The following ARMH4 variants were observed in gnomAD, a reference collection of about 807,000 sequenced individuals.
The protein encoded by ARMH4 is armadillo like helical domain containing 4.
ARMH4 carries 49 observed loss-of-function variants against 61.9 expected under a neutral mutation model. That is an observed-to-expected ratio of 0.79 (90% confidence interval 0.63 to 1.00). The LOEUF is 1.00. Ranked by LOEUF, ARMH4 falls within the 50% of genes least tolerant of loss-of-function variation. ARMH4 has a pLI of 0.00. For missense variants in ARMH4, 934 were observed against 930.0 expected (o/e 1.00, Z -0.06); for synonymous variants, 368 against 341.5 (o/e 1.08, Z -0.85).
intron 5 of ARMH4, among the ~76,000 whole-genome samples, chr14:58,075,981 C>T (rs1885032441): frequency 6.8e-6 from 1 of 146,382 alleles, no homozygotes; most frequent in Admixed American, 6.9e-5. Flanking sequence ...ATTAAAAACA[C>T]AAGAAGAAAT....
intron 5 of ARMH4, among the ~76,000 whole-genome samples, chr14:58,071,258 A>T (rs375793300): frequency 8.2e-4 from 124 of 152,012 alleles, no homozygotes; most frequent in African/African-American, 2.8e-3. Flanking sequence ...TCATCAGAAC[A>T]CATTTCTGCT....
chr14:58,076,397 T>C (rs1339127658), intron 5 of ARMH4, among the ~76,000 whole-genome samples: 1 of 152,214 alleles, frequency 6.6e-6, no homozygotes, highest in Non-Finnish European at 1.5e-5. Context: ...TTCTTCCCTA[T>C]GTAAGTGGCT....
chr14:58,078,257 T>C (rs1885110014), intron 5 of ARMH4, among the ~76,000 whole-genome samples: 1 of 152,228 alleles, frequency 6.6e-6, no homozygotes, highest in Non-Finnish European at 1.5e-5. Context: ...GCATGGGCCC[T>C]GCACTAGTTT....
intron 5 of ARMH4, among the ~76,000 whole-genome samples, chr14:58,046,395 A>G (rs560273720): frequency 6.6e-6 from 1 of 152,292 alleles, no homozygotes; most frequent in South Asian, 2.1e-4. Flanking sequence ...TTTAAATTGT[A>G]CTTTTCTTCC....
chr14:58,045,127 A>T (rs1883885853), intron 5 of ARMH4, among the ~76,000 whole-genome samples: 1 of 152,228 alleles, frequency 6.6e-6, no homozygotes, highest in Non-Finnish European at 1.5e-5. Flanking sequence ...TACCCAAAGG[A>T]TTATAAATCA....
intron 5 of ARMH4, among the ~76,000 whole-genome samples, chr14:58,018,135 A>C (rs1882682426): frequency 6.6e-6 from 1 of 152,222 alleles, no homozygotes; most frequent in Non-Finnish European, 1.5e-5. Context: ...AAAATGAATT[A>C]AAACTTAAAT....
intron 5 of ARMH4, among the ~76,000 whole-genome samples, chr14:58,046,083 G>A (rs1594719327): frequency 6.6e-6 from 1 of 152,170 alleles, no homozygotes; most frequent in Non-Finnish European, 1.5e-5. Context: ...AAGCCACCCA[G>A]TTTATGGTCT....
chr14:58,141,960 T>TA (rs1360160026), intron 1 of ARMH4, among the ~76,000 whole-genome samples: 1 of 152,112 alleles, frequency 6.6e-6, no homozygotes, highest in African/African-American at 2.4e-5. Context: ...TATTATAAGA[T>TA]AAAAAAATTA....
At chr14:58,103,403 C>T (rs1886066414) in intron 4 of ARMH4, among the ~76,000 whole-genome samples, 1 of 152,052 alleles carries the variant, frequency 6.6e-6, no homozygotes, top group Non-Finnish European at 1.5e-5. Context: ...GCTCTTCCAC[C>T]ACATGAGGAC....
At chr14:58,136,368 A>G (rs1208585816) in intron 2 of ARMH4, among the ~76,000 whole-genome samples, 2 of 152,202 alleles carry the variant, frequency 1.3e-5, no homozygotes, top group Non-Finnish European at 2.9e-5. Context: ...CTCCAAAAGT[A>G]AAAGTTCTAT....
At chr14:58,028,189 T>A (rs1192900180) in intron 5 of ARMH4, among the ~76,000 whole-genome samples, 2 of 152,224 alleles carry the variant, frequency 1.3e-5, no homozygotes, top group African/African-American at 4.8e-5. Context: ...TTTATTTACT[T>A]TCCCTCCTGC....
chr14:58,128,107 G>C (rs1886963465), intron 4 of ARMH4, among the ~76,000 whole-genome samples: 1 of 152,138 alleles, frequency 6.6e-6, no homozygotes, highest in African/African-American at 2.4e-5. Flanking sequence ...ATAAAAGTTT[G>C]ATTTATTTAG....
At chr14:58,056,051 T>A (rs1884336217) in intron 5 of ARMH4, among the ~76,000 whole-genome samples, 1 of 152,224 alleles carries the variant, frequency 6.6e-6, no homozygotes, top group African/African-American at 2.4e-5. Context: ...TAATGTGTAT[T>A]AAATTGACCT....
intron 4 of ARMH4, among the ~76,000 whole-genome samples, chr14:58,103,601 T>TA (rs1458114384): frequency 1.3e-5 from 2 of 151,616 alleles, no homozygotes; most frequent in African/African-American, 4.9e-5. Context: ...GCACTATATT[T>TA]TTTTTTGGAT....
At chr14:58,070,993 G>A (rs1034277520) in intron 5 of ARMH4, among the ~76,000 whole-genome samples, 1 of 151,902 alleles carries the variant, frequency 6.6e-6, no homozygotes, top group Non-Finnish European at 1.5e-5. Context: ...TTTGTAACCT[G>A]ATACATTTGA....
At chr14:58,056,413 C>T (rs1444996420) in intron 5 of ARMH4, among the ~76,000 whole-genome samples, 2 of 152,154 alleles carry the variant, frequency 1.3e-5, no homozygotes, top group African/African-American at 2.4e-5. Context: ...TGTTCCTTTA[C>T]AAAGCCCATA....
Position 58,014,757 on chromosome 14 carries a change from C to T in ARMH4, c.2090-2607G>A, listed in dbSNP as rs572593017. 2.0e-5 allele frequency among the ~76,000 whole-genome samples: 3 copies of T among 152,200 alleles called. No homozygotes were observed. In the East Asian group the frequency reaches 5.8e-4, roughly 29 times the overall value. On this transcript the variant is annotated intron_variant, in intron 5 of 7. Coordinates refer to ENST00000267485, the MANE Select transcript of ARMH4 (RefSeq NM_001001872.4). ...TAATTCCAGTGAGAAAGGGGTTAGGCCACCAAGTCTATAAGAAGTGGATGA... is the reference window on the plus strand; with the variant it reads ...TAATTCCAGTGAGAAAGGGGTTAGGTCACCAAGTCTATAAGAAGTGGATGA...
At chr14:58,078,575 C>A (rs542176722) in intron 5 of ARMH4, among the ~76,000 whole-genome samples, 1 of 152,222 alleles carries the variant, frequency 6.6e-6, no homozygotes, top group South Asian at 2.1e-4. Context: ...CATGTACCAA[C>A]AATGGTACAG....
intron 5 of ARMH4, among the ~76,000 whole-genome samples, chr14:58,032,699 C>T (rs1883295241): frequency 6.6e-6 from 1 of 151,682 alleles, no homozygotes; most frequent in African/African-American, 2.4e-5. Flanking sequence ...GTGCGCGCAC[C>T]GTGCGCGAGC....
Sources: gnomAD v4.1 joint callset for allele counts (sites outside exome capture counted in the v4.1 genomes callset) on GRCh38, gnomAD v4.1.1 for gene constraint, MANE v1.5 for transcripts, NCBI Gene and HGNC (gene_info 2026-07-23, HGNC 2026-07-21) for gene names.